The following GOLGA8G variants were observed in gnomAD, a reference collection of about 807,000 sequenced individuals.
The protein encoded by GOLGA8G is golgin subfamily A member 8G.
Under a neutral mutation model 12.8 loss-of-function variants are expected in GOLGA8G, and 1 was observed. That is an observed-to-expected ratio of 0.08 (90% CI 0.03 to 0.37). The LOEUF is 0.37. Among genes scored for constraint, GOLGA8G ranks in the 10% least tolerant of loss-of-function variants. The pLI is 0.99. For missense variants in GOLGA8G, 12 were observed against 97.4 expected (o/e 0.12, Z 3.69); for synonymous variants, 9 against 36.7 (o/e 0.25, Z 2.73).
Position 28,520,354 on chromosome 15 carries a change from CAA to C in GOLGA8G, c.*2217_*2218del, listed in dbSNP as rs1438583028. ...CTTCAATATACGACAAATATCTACA[CAA>C]AGAGTGGTATTTCCGTTAATACAGT... On this transcript the variant is annotated 3_prime_UTR_variant, in exon 19 of 19. Coordinates refer to ENST00000525590, the MANE Select transcript of GOLGA8G (RefSeq NM_001350919.3). 6.6e-6 allele frequency: 1 copy of C among 151,650 alleles called. No homozygotes were observed. The highest frequency in any genetic ancestry group is 2.4e-5 in the African/African-American group (1 of 40,922). The allele number at this position is 151,650 out of a possible 1,614,324, so 9.4% of individuals were successfully genotyped here.
At position 28,527,376 on chromosome 15, in the gene GOLGA8G, ATCCC is replaced by A; in HGVS notation, c.717+19_717+22del. On this transcript the variant is annotated intron_variant, in intron 9 of 18. Transcript: ENST00000525590. ...TTACCTGGGGTCATCTTCCTTCCAC[ATCCC>A]TCCCTCTGAACACCTCACCTGTGTC... 2.7e-6 allele frequency: 2 copies of A among 742,426 alleles called. No individual in the cohort carries two copies. The highest frequency in any genetic ancestry group is 2.7e-5 in the South Asian group (2 of 73,324). 46.0% of individuals were successfully genotyped at this position (742,426 alleles called of 1,614,324 possible).
At chr15:28,526,656 A>G (rs1217069198) in intron 11 of GOLGA8G, 145 bp from the exon 12 acceptor site, 1 of 340,886 alleles carries the variant, frequency 2.9e-6, no homozygotes, top group Non-Finnish European at 4.6e-6. Flanking sequence ...CCTCGCACCC[A>G]GATGGTAGCC....
rs2078594434 is a variant in GOLGA8G, at chr15:28,526,597, C to T, written c.914-86G>A. 3.8e-5 allele frequency: 17 copies of T among 449,206 alleles called. 4 individuals are homozygous for T. The highest frequency in any genetic ancestry group is 9.4e-5 in the South Asian group (4 of 42,352). The allele number at this position is 449,206 out of a possible 1,614,324, so 27.8% of individuals were successfully genotyped here. ...AGAAAAGAAAAAACCCTCCTCTTGG[C>T]GCACAGCTCCTCTCCGGCTCCTCAA... On this transcript the variant is annotated intron_variant, in intron 11 of 18. Transcript: ENST00000525590.
chr15:28,531,827 G>A (rs932999284), intron 1 of GOLGA8G, among the ~76,000 whole-genome samples: 2 of 150,978 alleles, frequency 1.3e-5, no homozygotes, highest in African/African-American at 2.5e-5. Flanking sequence ...CTATTCCACA[G>A]AAGATGAGCA....
rs757076367 is a variant in GOLGA8G, at chr15:28,526,558, A to G, written c.914-47T>C. The G allele has an allele frequency of 2.3e-3, 1,595 of 689,348 alleles. 28 individuals carry two copies. The highest frequency in any genetic ancestry group is 0.013 in the African/African-American group (340 of 25,750). 42.7% of individuals were successfully genotyped at this position (689,348 alleles called of 1,614,324 possible). A position where few individuals can be genotyped will look rare whatever the true frequency, so the allele number is the denominator to read the frequency against. ...AAGAGCCTCTGGATTCCAAAAAAAA[A>G]AAAAGAAAAGAAAAGAAAAGAAAAA... On this transcript the variant is annotated intron_variant, in intron 11 of 18. Transcript: ENST00000525590.
rs2078527581 is a variant in GOLGA8G at position 28,521,277 on chromosome 15, C to CTTTTT, written c.*1291_*1295dup. The CTTTTT allele has an allele frequency of 8.0e-6, 1 of 124,362 alleles. No individual in the cohort carries two copies. The allele number at this position is 124,362 out of a possible 1,614,324, so 7.7% of individuals were successfully genotyped here. On this transcript the variant is annotated 3_prime_UTR_variant, in exon 19 of 19. Coordinates refer to ENST00000525590, the MANE Select transcript of GOLGA8G (RefSeq NM_001350919.3). ...AGTATAATACTGTCTACTAAAACTC[C>CTTTTT]TTTTTGTTTCAACTAAGCACTCTCA...
chr15:28,531,431 T>C (rs2078657531), intron 1 of GOLGA8G, among the ~76,000 whole-genome samples: 1 of 111,404 alleles, frequency 9.0e-6, no homozygotes, highest in African/African-American at 3.5e-5. Context: ...GGTAGAAAAG[T>C]AAACATTAAG....
intron 1 of GOLGA8G, chr15:28,532,088 TG>T (rs1375644657): frequency 1.6e-5 from 1 of 62,764 alleles, no homozygotes; most frequent in African/African-American, 6.1e-5. Context: ...TGAGGCAGCC[TG>T]AAACCTCTTG....
chr15:28,520,300 C>G lies in GOLGA8G; in HGVS notation c.*2273G>C, dbSNP rs1299624774. ...TTTGAAGAAAGACTTAAGTTATAGT[C>G]ATGCGATTTCCATTCTTTTTAGCTT... On this transcript the variant is annotated 3_prime_UTR_variant, in exon 19 of 19. Transcript: ENST00000525590. 1 of 151,834 alleles carries G rather than the reference C, an allele frequency of 6.6e-6. No homozygotes were observed. Among genetic ancestry groups the G allele is most frequent in the Non-Finnish European group, 1.5e-5 (1 of 68,030 alleles). The allele number at this position is 151,834 out of a possible 1,614,324, so 9.4% of individuals were successfully genotyped here. A position where few individuals can be genotyped will look rare whatever the true frequency, so the allele number is the denominator to read the frequency against.
rs2078532302 is a variant in GOLGA8G, at chr15:28,521,477, G to T, written c.*1096C>A. 6.6e-6 allele frequency: 1 copy of T among 151,846 alleles called. No homozygotes were observed. Among genetic ancestry groups the T allele is most frequent in the Non-Finnish European group, 1.5e-5 (1 of 68,050 alleles). 9.4% of individuals were successfully genotyped at this position (151,846 alleles called of 1,614,324 possible). Reference sequence around the variant, plus strand: ...AGCTCCATGAACAGAGGAATGCCAGGTGTCACACAGCTTTCCTTCACTCTA... The same window carrying T: ...AGCTCCATGAACAGAGGAATGCCAGTTGTCACACAGCTTTCCTTCACTCTA... On this transcript the variant is annotated 3_prime_UTR_variant, in exon 19 of 19. Transcript: ENST00000525590.
At position 28,521,902 on chromosome 15, in the gene GOLGA8G, TTGCACATACC is replaced by T. The variant is rs2078539874; in HGVS notation, c.*661_*670del. 1.3e-5 allele frequency: 1 copy of T among 75,102 alleles called. No homozygotes were observed. Among genetic ancestry groups the T allele is most frequent in the African/African-American group, 8.8e-5 (1 of 11,368 alleles). 4.7% of individuals were successfully genotyped at this position (75,102 alleles called of 1,614,324 possible). A position where few individuals can be genotyped will look rare whatever the true frequency, so the allele number is the denominator to read the frequency against. ...CAGAACAAATGAAACACACTCTATC[TTGCACATACC>T]TGCCAGAGCAGGCAACTTTCCTCTT... is the stretch of plus-strand genomic sequence containing the variant. On this transcript the variant is annotated 3_prime_UTR_variant, in exon 19 of 19. Coordinates refer to ENST00000525590, the MANE Select transcript of GOLGA8G (RefSeq NM_001350919.3).
Position 28,526,350 on chromosome 15 carries a change from G to A in GOLGA8G, c.1075C>T (p.Gln359Ter). 2 of 500,012 alleles carry A rather than the reference G, an allele frequency of 4.0e-6. No individual in the cohort carries two copies. Among genetic ancestry groups the A allele is most frequent in the Non-Finnish European group, 6.6e-6 (2 of 301,086 alleles). The allele number at this position is 500,012 out of a possible 1,614,324, so 31.0% of individuals were successfully genotyped here. Residue 359 changes from glutamine to a stop codon, truncating the protein, a stop_gained, in exon 12 of 19, where the codon CAG becomes TAG. Transcript: ENST00000525590. LOFTEE classifies it high-confidence loss of function. ...NEGQKERLRE[Q>*]EERLQEQQER... The stretch of plus-strand genomic sequence containing the variant: ...TGCTGCTCCTGAAGCCTCTCCTCCT[G>A]CTCCCGAAGCCTCTCCTTTTGCCCC...
At chr15:28,528,016 A>G (rs2141631664) in intron 8 of GOLGA8G, among the ~76,000 whole-genome samples, 1 of 102,730 alleles carries the variant, frequency 9.7e-6, no homozygotes, top group Middle Eastern at 4.0e-3. Context: ...TGAAAGGATA[A>G]TACATTCACA....
Position 28,521,552 on chromosome 15 carries a change from C to T in GOLGA8G, c.*1021G>A, listed in dbSNP as rs1436162067. ...TGCCTGTTCCAGGGACATTTGAACT[C>T]TTAAAGGATTTCTTATGATCTTTAC... On this transcript the variant is annotated 3_prime_UTR_variant, in exon 19 of 19. Transcript: ENST00000525590. 2.0e-5 allele frequency: 3 copies of T among 152,080 alleles called. No individual in the cohort carries two copies. The highest frequency in any genetic ancestry group is 7.3e-5 in the African/African-American group (3 of 41,270). 9.4% of individuals were successfully genotyped at this position (152,080 alleles called of 1,614,324 possible). A position where few individuals can be genotyped will look rare whatever the true frequency, so the allele number is the denominator to read the frequency against.
intron 15 of GOLGA8G, among the ~76,000 whole-genome samples, chr15:28,523,605 CA>C (rs1474210009): frequency 1.2e-3 from 3 of 2,546 alleles, no homozygotes; most frequent in African/African-American, 1.9e-3. Context: ...GCGCTGGCAG[CA>C]CACCCTCTGC....
intron 1 of GOLGA8G, among the ~76,000 whole-genome samples, chr15:28,531,667 T>C (rs1442485947): frequency 3.5e-5 from 4 of 114,874 alleles, no homozygotes; most frequent in African/African-American, 1.3e-4. Context: ...CATCCCTAAG[T>C]ACATTAATGT....
At chr15:28,527,937 A>G (rs1596572246) in intron 8 of GOLGA8G, among the ~76,000 whole-genome samples, 1 of 102,912 alleles carries the variant, frequency 9.7e-6, no homozygotes, top group South Asian at 3.6e-4. Flanking sequence ...CCAATTCTCT[A>G]AGCCCATTTT....
intron 8 of GOLGA8G, among the ~76,000 whole-genome samples, chr15:28,528,041 GAA>G (rs1371644170): frequency 1.0e-5 from 1 of 97,974 alleles, no homozygotes; most frequent in Non-Finnish European, 1.7e-5. Flanking sequence ...CCCAAACTCA[GAA>G]GGTACAGAAG....
rs538685916 is a variant in GOLGA8G at position 28,526,495 on chromosome 15, C to T, written c.930G>A (p.Pro310=). The change falls in exon 12 of 19, where the codon CCG becomes CCA. Residue 310 remains proline (P), a synonymous_variant. Transcript: ENST00000525590. ...LKHQMAEPLP[P]EPPAVPSEVE... ...CCTCAGAGGGCACTGCTGGGGGCTC[C>T]GGGGGCAGAGGTTCAGCTGAGAAAG... 19 of 488,700 alleles carry T rather than the reference C, an allele frequency of 3.9e-5. 2 individuals carry two copies. In the African/African-American group the frequency reaches 6.5e-4, roughly 17 times the overall value. 30.3% of individuals were successfully genotyped at this position (488,700 alleles called of 1,614,324 possible).
Sources: gnomAD v4.1 joint callset for allele counts (sites outside exome capture counted in the v4.1 genomes callset) on GRCh38, gnomAD v4.1.1 for gene constraint, MANE v1.5 for transcripts, NCBI Gene and HGNC (gene_info 2026-07-23, HGNC 2026-07-21) for gene names.